Variants in DENND5B observed in about 807,000 individuals in gnomAD.
DENND5B encodes DENN domain-containing protein 5B.
DENND5B carries 34 observed loss-of-function variants against 140.6 expected under a neutral mutation model. That is an observed-to-expected ratio of 0.24 (90% CI 0.18 to 0.32). The LOEUF (loss-of-function observed/expected upper bound fraction) is 0.32, where lower values mean the gene tolerates loss of function less well. Among genes scored for constraint, DENND5B ranks in the 10% least tolerant of loss-of-function variants. DENND5B has a pLI of 1.00. For missense variants in DENND5B, 1,142 were observed against 1,560.2 expected (o/e 0.73, Z 4.52); for synonymous variants, 551 against 562.1 (o/e 0.98, Z 0.28).
chr12:31,494,221 T>TAC (rs3034051), intron 2 of DENND5B, among the ~76,000 whole-genome samples: 50,750 of 104,564 alleles, frequency 0.49, 10,506 homozygotes, highest in Middle Eastern at 0.55. Context: ...CCTACCTACC[T>TAC]CTACCTACCT....
chr12:31,501,409 C>T lies in DENND5B; in HGVS notation c.128-5490G>A, dbSNP rs192447040. On this transcript the variant is annotated intron_variant, in intron 1 of 20. Transcript: ENST00000389082. Reference sequence around the variant, plus strand: ...CAACCTCTTTCCTTTATAAATTGCCCGGTCTCAAGTCTATCTTTATTAGCA... The same window carrying T: ...CAACCTCTTTCCTTTATAAATTGCCTGGTCTCAAGTCTATCTTTATTAGCA... 4.2e-3 allele frequency among the ~76,000 whole-genome samples: 635 copies of T among 152,282 alleles called. 5 individuals carry two copies. The highest frequency in any genetic ancestry group is 0.014 in the African/African-American group (576 of 41,550).
chr12:31,474,814 T>C (rs1945716910), intron 3 of DENND5B, among the ~76,000 whole-genome samples: 1 of 152,196 alleles, frequency 6.6e-6, no homozygotes, highest in African/African-American at 2.4e-5. Flanking sequence ...AATATTTTTC[T>C]CTAATAGAAG....
chr12:31,428,149 T>C (rs1036730184), intron 8 of DENND5B, among the ~76,000 whole-genome samples: 8 of 152,062 alleles, frequency 5.3e-5, no homozygotes, highest in African/African-American at 1.9e-4. Flanking sequence ...AGGCCAGGCA[T>C]TCGAGACCAG....
rs377602151 is a variant in DENND5B, at chr12:31,402,536, T to C, written c.2911A>G (p.Met971Val). 1.8e-5 allele frequency: 29 copies of C among 1,613,646 alleles called. No individual in the cohort carries two copies. The highest frequency in any genetic ancestry group is 2.7e-5 in the African/African-American group (2 of 74,930). The change falls in exon 15 of 21, where the codon ATG becomes GTG. Residue 971 changes from methionine (M) to valine (V), a missense_variant. Coordinates refer to ENST00000389082, the MANE Select transcript of DENND5B (RefSeq NM_144973.4). ...TCGAGGAGGTTTTTGGGAATCTGCA[T>C]TACTCCTGTGTCTCCCAGCTCTCCT... ...VSGELGDTGV[M>V]QIPKNLLEMT...
At chr12:31,515,647 A>G (rs1170412081) in intron 1 of DENND5B, among the ~76,000 whole-genome samples, 1 of 152,246 alleles carries the variant, frequency 6.6e-6, no homozygotes, top group Non-Finnish European at 1.5e-5. Context: ...CAAAAAAAGG[A>G]ATGAACTTGA....
At chr12:31,514,017 T>C (rs1207612849) in intron 1 of DENND5B, among the ~76,000 whole-genome samples, 1 of 152,054 alleles carries the variant, frequency 6.6e-6, no homozygotes, top group East Asian at 1.9e-4. Flanking sequence ...TTCTTTAAAA[T>C]TTTTTGTAGA....
At chr12:31,423,522 G>T in intron 11 of DENND5B, 75 bp downstream of exon 11, 2 of 1,458,330 alleles carry the variant, frequency 1.4e-6, no homozygotes, top group South Asian at 1.2e-5. Context: ...GAGAGAAAGA[G>T]ATCAAGACAA....
At chr12:31,572,729 C>T (rs1011282936) in intron 1 of DENND5B, among the ~76,000 whole-genome samples, 1 of 152,088 alleles carries the variant, frequency 6.6e-6, no homozygotes, top group African/African-American at 2.4e-5. Context: ...AAATCTCCTG[C>T]TCTTGTATGA....
chr12:31,558,766 AG>A (rs911587701), intron 1 of DENND5B, among the ~76,000 whole-genome samples: 16 of 152,198 alleles, frequency 1.1e-4, no homozygotes, highest in African/African-American at 3.9e-4. Flanking sequence ...CTCATGACTA[AG>A]CATTAACTAT....
intron 11 of DENND5B, among the ~76,000 whole-genome samples, chr12:31,418,282 CTTTTT>C (rs66507414): frequency 1.5e-5 from 2 of 133,066 alleles, no homozygotes; most frequent in Admixed American, 8.2e-5. Context: ...TTTTTCTTTT[CTTTTT>C]TTTTTTTTTT....
chr12:31,552,192 G>T (rs1178680878), intron 1 of DENND5B, among the ~76,000 whole-genome samples: 1 of 152,060 alleles, frequency 6.6e-6, no homozygotes, highest in East Asian at 1.9e-4. Context: ...TATGATATTG[G>T]CTGTGGGTTG....
intron 1 of DENND5B, among the ~76,000 whole-genome samples, chr12:31,566,661 T>C (rs113694787): frequency 1.3e-5 from 2 of 152,138 alleles, no homozygotes; most frequent in African/African-American, 4.8e-5. Context: ...GTTCCAGGAA[T>C]ACCTTAAATT....
chr12:31,548,791 G>C (rs1435376929), intron 1 of DENND5B, among the ~76,000 whole-genome samples: 1 of 152,128 alleles, frequency 6.6e-6, no homozygotes, highest in African/African-American at 2.4e-5. Context: ...ATTTTTCTAA[G>C]GTCAGAACTA....
At position 31,557,762 on chromosome 12, in the gene DENND5B, T is replaced by C. The variant is rs1333754715; in HGVS notation, c.127+32944A>G. ...GAGAGAAAAAGAAAGGGCTGAAACGTGGGAACAATATACAACCTATTAAAA... is the reference window on the plus strand; with the variant it reads ...GAGAGAAAAAGAAAGGGCTGAAACGCGGGAACAATATACAACCTATTAAAA... On this transcript the variant is annotated intron_variant, in intron 1 of 20. Transcript: ENST00000389082. Among the ~76,000 whole-genome samples the C allele has an allele frequency of 1.1e-4, 14 of 130,932 alleles. No homozygotes were observed. The East Asian group carries it at 2.9e-3, about 27-fold the overall frequency. 85.9% of individuals were successfully genotyped at this position (130,932 alleles called of 152,430 possible).
At chr12:31,496,563 T>C (rs950816649) in intron 1 of DENND5B, among the ~76,000 whole-genome samples, 3 of 152,162 alleles carry the variant, frequency 2.0e-5, no homozygotes, top group African/African-American at 7.2e-5. Context: ...GGCTACATTT[T>C]AATTACTAAG....
chr12:31,574,361 G>A (rs560532384), intron 1 of DENND5B, among the ~76,000 whole-genome samples: 3 of 151,428 alleles, frequency 2.0e-5, no homozygotes, highest in Admixed American at 6.6e-5. Flanking sequence ...AGGCCAAGGC[G>A]GGTGGAGCTC....
intron 1 of DENND5B, among the ~76,000 whole-genome samples, chr12:31,561,961 G>A (rs2139333001): frequency 6.6e-6 from 1 of 152,348 alleles, no homozygotes; most frequent in South Asian, 2.1e-4. Context: ...TGCAAGCACT[G>A]TAGTAGATGC....
At chr12:31,402,751 TGA>T in intron 14 of DENND5B, 108 bp from the exon 15 acceptor site, 1 of 1,342,876 alleles carries the variant, frequency 7.4e-7, no homozygotes, top group African/African-American at 1.5e-5. Flanking sequence ...TTGCTTTTTA[TGA>T]GCTATCAAGA....
chr12:31,554,499 T>A (rs1189978179), intron 1 of DENND5B, among the ~76,000 whole-genome samples: 1 of 152,166 alleles, frequency 6.6e-6, no homozygotes, highest in Non-Finnish European at 1.5e-5. Context: ...CCTTAACATT[T>A]TTTCCTTCAT....
Sources: gnomAD v4.1 joint callset for allele counts (sites outside exome capture counted in the v4.1 genomes callset) on GRCh38, gnomAD v4.1.1 for gene constraint, MANE v1.5 for transcripts, NCBI Gene and HGNC (gene_info 2026-07-23, HGNC 2026-07-21) for gene names.